MUC3A: variants seen among roughly 807,000 people sequenced by gnomAD.
MUC3A encodes mucin-3A.
Under a neutral mutation model 109.0 loss-of-function variants are expected in MUC3A, and 109 were observed. The ratio of observed to expected loss-of-function variants is 1.00; its 90% CI spans 0.86 to 1.17. The LOEUF (loss-of-function observed/expected upper bound fraction) is 1.17. Among genes scored for constraint, MUC3A ranks in the 50% most tolerant of loss-of-function variants. The pLI, the probability that MUC3A is intolerant of heterozygous loss-of-function variation, is 0.00. For missense variants in MUC3A, 3,537 were observed against 2,469.4 expected (o/e 1.43, Z -9.16); for synonymous variants, 1,398 against 981.4 (o/e 1.42, Z -7.93).
intron 7 of MUC3A, 50 bp from the exon 8 acceptor site, chr7:100,965,654 T>G (rs773403287): frequency 6.4e-6 from 10 of 1,566,522 alleles, no homozygotes; most frequent in Admixed American, 1.8e-5. Context: ...GGCCCCTGAA[T>G]AGAATGGATG....
intron 7 of MUC3A, 49 bp from the exon 8 acceptor site, chr7:100,965,655 A>G (rs1792506831): frequency 1.3e-6 from 2 of 1,566,464 alleles, no homozygotes; most frequent in African/African-American, 2.7e-5. Context: ...GCCCCTGAAT[A>G]GAATGGATGA....
Position 100,957,492 on chromosome 7 carries a change from C to T in MUC3A, c.5713C>T (p.Pro1905Ser). 1 of 1,528,320 alleles carries T rather than the reference C, an allele frequency of 6.5e-7. No individual in the cohort carries two copies. The highest frequency in any genetic ancestry group is 8.8e-7 in the Non-Finnish European group (1 of 1,137,214). The allele number at this position is 1,528,320 out of a possible 1,614,324, so 94.7% of individuals were successfully genotyped here. The stretch of plus-strand genomic sequence containing the variant: ...CACCAAGATCACCTCACACAGTACT[C>T]CTAGCTTCACTTCTTCAATCGCAAC... ...TTTKITSHST[P>S]SFTSSIATTE... is the part of the protein sequence containing the mutation. Residue 1905 changes from proline (P) to serine (S), a missense_variant, in exon 2 of 12, where the codon CCT (proline) becomes TCT (serine). Pro to Ser is a moderately conservative substitution (Grantham distance 74). Transcript: ENST00000379458.
chr7:100,959,211 T>C lies in MUC3A; in HGVS notation c.7432T>C (p.Ser2478Pro). The change falls in exon 2 of 12, where the codon TCT (serine) becomes CCT (proline). Residue 2478 changes from serine to proline, a missense_variant. Physicochemically the swap from Ser to Pro is moderately conservative, Grantham distance 74 (BLOSUM62 -1). Coordinates refer to ENST00000379458, the MANE Select transcript of MUC3A (RefSeq NM_005960.2). ...GGTGACTCCCACACCTGTAACCCCA[T>C]CTTCTCTGAGTACAGACATCCCGAC... is the stretch of plus-strand genomic sequence containing the variant. The part of the protein sequence containing the change: ...TAVTPTPVTP[S>P]SLSTDIPTTS... 1 of 1,598,492 alleles carries C rather than the reference T, an allele frequency of 6.3e-7. No individual in the cohort carries two copies. The highest frequency in any genetic ancestry group is 8.5e-7 in the Non-Finnish European group (1 of 1,179,794).
chr7:100,965,404 G>C, intron 7 of MUC3A, 57 bp downstream of exon 7: 1 of 1,570,190 alleles, frequency 6.4e-7, no homozygotes, highest in Non-Finnish European at 8.6e-7. Context: ...GGGCTACCAG[G>C]GACATTTGCC....
In MUC3A at chr7:100,964,806, C is replaced by G. The variant is rs375190082; in HGVS notation, c.9345C>G (p.Asn3115Lys). 1 of 1,598,046 alleles carries G rather than the reference C, an allele frequency of 6.3e-7. No individual in the cohort carries two copies. Among genetic ancestry groups the G allele is most frequent in the Non-Finnish European group, 8.5e-7 (1 of 1,179,536 alleles). Residue 3115 changes from asparagine (N) to lysine (K), a missense_variant, in exon 6 of 12, where the codon AAC becomes AAG. Asn to Lys is a moderately conservative substitution (Grantham distance 94). Transcript: ENST00000379458. ...CCACGCTGAAGGAGGGGCTGCAGAA[C>G]GCCAGCCAGGATGTGAACAGCTGCC... ...VKTTLKEGLQ[N>K]ASQDVNSCQD...
Position 100,957,179 on chromosome 7 carries a change from T to C in MUC3A, c.5400T>C (p.Ser1800=), listed in dbSNP as rs1019953739. 2.2e-6 allele frequency: 1 copy of C among 459,298 alleles called. No individual in the cohort carries two copies. Among genetic ancestry groups the C allele is most frequent in the Non-Finnish European group, 3.8e-6 (1 of 263,702 alleles). 28.5% of individuals were successfully genotyped at this position (459,298 alleles called of 1,614,324 possible). Residue 1800 remains serine (S), a synonymous_variant, in exon 2 of 12, where the codon TCT becomes TCC. Transcript: ENST00000379458. The stretch of plus-strand genomic sequence containing the variant: ...CATTTACCAGTAGCGTTTCATCTTC[T>C]ACGCCTGTCCCAAGTACAGAAGCGA... ...LPSFTSSVSS[S]TPVPSTEAIT...
chr7:100,964,407 C>T (rs1261003272), intron 5 of MUC3A: 2 of 433,770 alleles, frequency 4.6e-6, no homozygotes, highest in African/African-American at 2.0e-5. Context: ...CTGCAGTGAG[C>T]TACAATGATA....
Position 100,959,147 on chromosome 7 carries a change from A to G in MUC3A, c.7368A>G (p.Thr2456=), listed in dbSNP as rs1401549355. ...STIYSTVSTS[T]TAITSHFTTS... Reference sequence around the variant, plus strand: ...TCTACTCCACAGTCAGCACATCCACAACTGCCATCACCTCACATTTTACTA... The same window carrying G: ...TCTACTCCACAGTCAGCACATCCACGACTGCCATCACCTCACATTTTACTA... Residue 2456 remains threonine, a synonymous_variant, in exon 2 of 12, where the codon ACA becomes ACG. Transcript: ENST00000379458. 1.3e-6 allele frequency: 2 copies of G among 1,489,500 alleles called. No individual in the cohort carries two copies. Among genetic ancestry groups the G allele is most frequent in the Admixed American group, 2.0e-5 (1 of 49,186 alleles). 92.3% of individuals were successfully genotyped at this position (1,489,500 alleles called of 1,614,324 possible). A position where few individuals can be genotyped will look rare whatever the true frequency, so the allele number is the denominator to read the frequency against.
rs778354447 is a variant in MUC3A at position 100,952,582 on chromosome 7, C to G, written c.803C>G (p.Thr268Arg). ...ACTTCTTCAATCACTTCCACAAATACAGTGACTTCTATGACAACGACCGCC... is the reference window on the plus strand; with the variant it reads ...ACTTCTTCAATCACTTCCACAAATAGAGTGACTTCTATGACAACGACCGCC... ...PITSSITSTNTVTSMTTTASQ... is the reference protein window; with the variant it reads ...PITSSITSTNRVTSMTTTASQ... The change falls in exon 2 of 12, where the codon ACA becomes AGA. Residue 268 changes from threonine to arginine, a missense_variant. By Grantham distance (71) the Thr-to-Arg change is moderately conservative (BLOSUM62 -1). Transcript: ENST00000379458. 6.3e-6 allele frequency: 10 copies of G among 1,598,510 alleles called. No individual in the cohort carries two copies. The South Asian group carries it at 8.8e-5, about 14-fold the overall frequency.
chr7:100,965,064 G>A (rs1490943474), intron 6 of MUC3A: 3 of 1,113,872 alleles, frequency 2.7e-6, no homozygotes, highest in Admixed American at 5.2e-5. Context: ...GTCATGGTCA[G>A]CATTTCCCGG....
In MUC3A at chr7:100,966,416, T is replaced by C; in HGVS notation, c.9642T>C (p.Ser3214=). Residue 3214 remains serine (S), a synonymous_variant, in exon 9 of 12, where the codon TCT becomes TCC. Coordinates refer to ENST00000379458, the MANE Select transcript of MUC3A (RefSeq NM_005960.2). ...ACTCCACCGACACGCACTGGTTCTC[T>C]GGCCCGCGCTGCGAGGTGGCCGTCC... is the stretch of plus-strand genomic sequence containing the variant. The part of the protein sequence containing the change: ...RCYSTDTHWF[S]GPRCEVAVHW... 1 of 1,349,290 alleles carries C rather than the reference T, an allele frequency of 7.4e-7. No homozygotes were observed. Among genetic ancestry groups the C allele is most frequent in the Admixed American group, 3.0e-5 (1 of 33,148 alleles). The allele number at this position is 1,349,290 out of a possible 1,614,324, so 83.6% of individuals were successfully genotyped here. A position where few individuals can be genotyped will look rare whatever the true frequency, so the allele number is the denominator to read the frequency against.
intron 5 of MUC3A, 126 bp from the exon 6 acceptor site, chr7:100,964,569 G>A: frequency 7.1e-7 from 1 of 1,412,762 alleles, no homozygotes; most frequent in Non-Finnish European, 9.3e-7. Context: ...GATGCACGTG[G>A]CATCCCAACT....
chr7:100,960,159 G>A lies in MUC3A; in HGVS notation c.8380G>A (p.Glu2794Lys). The A allele has an allele frequency of 6.4e-7, 1 of 1,567,814 alleles. No homozygotes were observed. Among genetic ancestry groups the A allele is most frequent in the Non-Finnish European group, 8.6e-7 (1 of 1,162,912 alleles). ...ATGTGTTGAAATGGATCCCAGCACT[G>A]AAGCTACTTCTCCTCCCACCACCCC... Reference protein sequence around the residue: ...DPCVEMDPSTEATSPPTTPLT... With the variant: ...DPCVEMDPSTKATSPPTTPLT... Residue 2794 changes from glutamate (E) to lysine (K), a missense_variant, in exon 2 of 12, where the codon GAA (glutamate) becomes AAA (lysine). Transcript: ENST00000379458.
At position 100,960,649 on chromosome 7, in the gene MUC3A, G is replaced by C; in HGVS notation, c.8866+4G>C. 1.3e-6 allele frequency: 2 copies of C among 1,596,628 alleles called. No homozygotes were observed. The highest frequency in any genetic ancestry group is 1.7e-6 in the Non-Finnish European group (2 of 1,178,586). On this transcript the variant is annotated splice_donor_region_variant and intron_variant, in intron 2 of 11. Transcript: ENST00000379458. ...TCCACGTTGACCACCACTGCAGGTT[G>C]GACCTTCTGCCTCTCTGTTCCCCTC...
In MUC3A at chr7:100,954,545, TCA is replaced by T. The variant is rs1248236351; in HGVS notation, c.2771_2772del (p.Thr924ArgfsTer18). 2.5e-6 allele frequency: 1 copy of T among 400,938 alleles called. No individual in the cohort carries two copies. The highest frequency in any genetic ancestry group is 4.4e-6 in the Non-Finnish European group (1 of 227,856). The allele number at this position is 400,938 out of a possible 1,614,324, so 24.8% of individuals were successfully genotyped here. A position where few individuals can be genotyped will look rare whatever the true frequency, so the allele number is the denominator to read the frequency against. Reference protein sequence around the residue: ...SMSESSAGTTHTESISSPRGT... With the variant: ...SMSESSAGTTXTESISSPRGT... ...TGTCTGAAAGTAGTGCTGGGACCAC[TCA>T]CACAGAGAGTATCTCCTCACCTCGA... On this transcript the variant is annotated frameshift_variant, in exon 2 of 12. Coordinates refer to ENST00000379458, the MANE Select transcript of MUC3A (RefSeq NM_005960.2). LOFTEE classifies it high-confidence loss of function.
chr7:100,963,106 A>C, intron 3 of MUC3A, 45 bp from the exon 4 acceptor site: 1 of 1,582,084 alleles, frequency 6.3e-7, no homozygotes, highest in South Asian at 1.1e-5. Flanking sequence ...GGCTTCAGAC[A>C]AAAGCAGACA....
At position 100,964,746 on chromosome 7, in the gene MUC3A, C is replaced by G; in HGVS notation, c.9285C>G (p.Ser3095Arg). The part of the protein sequence containing the change: ...DYLVLLEMPF[S>R]PQLESEYEQV... ...TGGTCCTGCTGGAGATGCCCTTCAG[C>G]CCCCAGCTGGAGAGCGAGTATGAGC... is the stretch of plus-strand genomic sequence containing the variant. Residue 3095 changes from serine (S) to arginine (R), a missense_variant, in exon 6 of 12, where the codon AGC becomes AGG. Ser to Arg is a moderately radical substitution (Grantham distance 110). Coordinates refer to ENST00000379458, the MANE Select transcript of MUC3A (RefSeq NM_005960.2). 1.9e-6 allele frequency: 3 copies of G among 1,597,296 alleles called. No homozygotes were observed. The highest frequency in any genetic ancestry group is 1.7e-4 in the Middle Eastern group (1 of 6,058).
In MUC3A at chr7:100,965,816, C is replaced by A; in HGVS notation, c.9561C>A (p.Ile3187=). 6.3e-7 allele frequency: 1 copy of A among 1,597,514 alleles called. No individual in the cohort carries two copies. Among genetic ancestry groups the A allele is most frequent in the South Asian group, 1.1e-5 (1 of 91,010 alleles). The change falls in exon 8 of 12, where the codon ATC becomes ATA. Residue 3187 remains isoleucine (I), a synonymous_variant. Transcript: ENST00000379458. ...TKCTSGVDNA[I]DCHQGQCVLE... is the part of the protein sequence containing the mutation. The stretch of plus-strand genomic sequence containing the variant: ...GCACGTCGGGGGTGGACAACGCCAT[C>A]GACTGTCACCAGGGCCAGTGCGTTC...
In MUC3A at chr7:100,955,544, C is replaced by A; in HGVS notation, c.3765C>A (p.Thr1255=). 1.9e-6 allele frequency: 1 copy of A among 514,806 alleles called. No homozygotes were observed. The allele number at this position is 514,806 out of a possible 1,614,324, so 31.9% of individuals were successfully genotyped here. A position where few individuals can be genotyped will look rare whatever the true frequency, so the allele number is the denominator to read the frequency against. Residue 1255 remains threonine (T), a synonymous_variant, in exon 2 of 12, where the codon ACC becomes ACA. Transcript: ENST00000379458. Reference sequence around the variant, plus strand: ...AAACCTCATCCCTTGTCAGCATGACCTCTGCCACCACTCCCAGTTTGAGAC... The same window carrying A: ...AAACCTCATCCCTTGTCAGCATGACATCTGCCACCACTCCCAGTTTGAGAC... ...NTETSSLVSM[T]SATTPSLRPT...
Sources: gnomAD v4.1 joint callset for allele counts on GRCh38, gnomAD v4.1.1 for gene constraint, MANE v1.5 for transcripts, NCBI Gene and HGNC (gene_info 2026-07-23, HGNC 2026-07-21) for gene names.